Variants in UNC80 observed in about 807,000 individuals in gnomAD.
The protein encoded by UNC80 is unc-80 subunit of NALCN channel complex.
UNC80 carries 164 observed loss-of-function variants against 384.6 expected under a neutral mutation model. That is an observed-to-expected ratio of 0.43 (90% confidence interval 0.38 to 0.49). The LOEUF (loss-of-function observed/expected upper bound fraction) is 0.49, where lower values mean the gene tolerates loss of function less well. Ranked by LOEUF, UNC80 falls within the 20% of genes least tolerant of loss-of-function variation. The probability of loss-of-function intolerance (pLI) is 0.00; values close to 1 mark genes in which losing one functional copy is unlikely to be tolerated. For missense variants in UNC80, 3,330 were observed against 4,143.0 expected, an observed-to-expected ratio of 0.80 and a Z score of 5.39; for synonymous variants, 1,486 against 1,527.8, an observed-to-expected ratio of 0.97 and a Z score of 0.64.
At chr2:209,893,144 C>T (rs553372911) in intron 26 of UNC80, among the ~76,000 whole-genome samples, 2 of 152,322 alleles carry the variant, frequency 1.3e-5, no homozygotes, top group African/African-American at 4.8e-5. Context: ...CTGAAACTAA[C>T]ATGCAAACTT....
At chr2:209,862,278 C>T (rs180812873) in intron 22 of UNC80, among the ~76,000 whole-genome samples, 8 of 151,922 alleles carry the variant, frequency 5.3e-5, no homozygotes, top group African/African-American at 1.4e-4. Context: ...CTATGTGGTG[C>T]GGAGAAGAAT....
intron 56 of UNC80, among the ~76,000 whole-genome samples, chr2:209,974,142 G>A (rs1292362347): frequency 6.6e-6 from 1 of 152,194 alleles, no homozygotes; most frequent in Admixed American, 6.5e-5. Context: ...CACCAAAGCA[G>A]ATATTGGTGA....
chr2:209,842,176 C>T (rs75363158), intron 20 of UNC80, among the ~76,000 whole-genome samples, 174 bp from the exon 21 acceptor site: 2,038 of 152,206 alleles, frequency 0.013, 50 homozygotes, highest in African/African-American at 0.045. Flanking sequence ...TCTTTTTTGG[C>T]ACATGGGAAT....
chr2:209,800,641 G>A (rs981615449), intron 7 of UNC80, among the ~76,000 whole-genome samples: 4 of 151,948 alleles, frequency 2.6e-5, no homozygotes, highest in Admixed American at 2.6e-4. Flanking sequence ...TCTTTTAATT[G>A]TGATGTTAGC....
At chr2:209,964,515 G>A (rs1279409557) in intron 51 of UNC80, among the ~76,000 whole-genome samples, 1 of 152,116 alleles carries the variant, frequency 6.6e-6, no homozygotes, top group Admixed American at 6.5e-5. Flanking sequence ...AAGGCCGGGC[G>A]CGGTTGTTCA....
chr2:209,955,738 T>TATATATATATATATAC (rs1437539911), intron 48 of UNC80, among the ~76,000 whole-genome samples: 2 of 53,552 alleles, frequency 3.7e-5, no homozygotes, highest in Non-Finnish European at 6.2e-5. Context: ...TATATATATA[T>TATATATATATATATAC]ACACACACAC....
chr2:209,833,980 C>A, intron 16 of UNC80, 22 bp from the exon 17 acceptor site: 2 of 1,546,692 alleles, frequency 1.3e-6, no homozygotes, highest in Non-Finnish European at 1.7e-6. Context: ...CTTTCTCCAA[C>A]TTCCTTCTTG....
intron 33 of UNC80, among the ~76,000 whole-genome samples, chr2:209,920,008 A>T (rs1269973083): frequency 6.6e-6 from 1 of 152,130 alleles, no homozygotes; most frequent in African/African-American, 2.4e-5. Flanking sequence ...GATTGTACTA[A>T]AAGTTCAAAA....
intron 28 of UNC80, among the ~76,000 whole-genome samples, chr2:209,902,959 G>A (rs537916053): frequency 7.6e-4 from 110 of 145,268 alleles, no homozygotes; most frequent in African/African-American, 2.6e-3. Flanking sequence ...TCATCCCTTG[G>A]TATCCATGGG....
chr2:209,964,616 C>T (rs548965406), intron 51 of UNC80, among the ~76,000 whole-genome samples: 7 of 152,002 alleles, frequency 4.6e-5, no homozygotes, highest in African/African-American at 9.6e-5. Context: ...GTGAAACCCT[C>T]GTCTCTACTA....
chr2:209,938,702 C>G (rs1384910415), intron 42 of UNC80, among the ~76,000 whole-genome samples: 53 of 143,430 alleles, frequency 3.7e-4, no homozygotes, highest in African/African-American at 1.4e-3. Context: ...CTCTCTCTCT[C>G]TCTCTCTCTG....
intron 13 of UNC80, among the ~76,000 whole-genome samples, chr2:209,823,624 G>A (rs1261805335): frequency 6.6e-6 from 1 of 151,880 alleles, no homozygotes; most frequent in Non-Finnish European, 1.5e-5. Flanking sequence ...GAGGAAAGCA[G>A]CGCCCCACAC....
chr2:209,926,501 A>G (rs1225421507), intron 35 of UNC80, among the ~76,000 whole-genome samples: 2 of 152,206 alleles, frequency 1.3e-5, no homozygotes, highest in Non-Finnish European at 2.9e-5. Context: ...CTGAGGCCAG[A>G]TGCAGTGGCT....
intron 16 of UNC80, among the ~76,000 whole-genome samples, chr2:209,833,480 G>C (rs1415141637): frequency 6.6e-6 from 1 of 152,130 alleles, no homozygotes; most frequent in Non-Finnish European, 1.5e-5. Context: ...CAACATATAT[G>C]TACTTTGCTA....
chr2:209,985,943 C>T (rs768458267), intron 61 of UNC80, among the ~76,000 whole-genome samples: 1 of 150,160 alleles, frequency 6.7e-6, no homozygotes, highest in Non-Finnish European at 1.5e-5. Flanking sequence ...AGTCCATCAT[C>T]GGGTGTATTT....
rs75921948 is a variant in UNC80, at chr2:209,936,834, A to T, written c.6274-10A>T. ...TAAACATTTATTAAAATTTGTTGCT[A>T]TTGTTCTAGGAGTGTCTGGAGTTTT... On this transcript the variant is annotated splice_polypyrimidine_tract_variant and intron_variant, in intron 40 of 64. Coordinates refer to ENST00000673920, the MANE Select transcript of UNC80 (RefSeq NM_001371986.1). 1.0e-4 allele frequency: 159 copies of T among 1,524,982 alleles called. No homozygotes were observed. Among genetic ancestry groups the T allele is most frequent in the Middle Eastern group, 6.7e-4 (4 of 5,940 alleles). 94.5% of individuals were successfully genotyped at this position (1,524,982 alleles called of 1,614,324 possible). A position where few individuals can be genotyped will look rare whatever the true frequency, so the allele number is the denominator to read the frequency against.
At chr2:209,925,809 C>T (rs1436943063) in intron 35 of UNC80, among the ~76,000 whole-genome samples, 1 of 152,184 alleles carries the variant, frequency 6.6e-6, no homozygotes, top group Non-Finnish European at 1.5e-5. Context: ...AGAAGATCAG[C>T]TGGCTTCACC....
chr2:209,949,821 T>C lies in UNC80; in HGVS notation c.7286+3878T>C, dbSNP rs573903286. 2.8e-5 allele frequency among the ~76,000 whole-genome samples: 4 copies of C among 143,424 alleles called. No individual in the cohort carries two copies. In the South Asian group the frequency reaches 8.8e-4, roughly 32 times the overall value. The allele number at this position is 143,424 out of a possible 152,430, so 94.1% of individuals were successfully genotyped here. A position where few individuals can be genotyped will look rare whatever the true frequency, so the allele number is the denominator to read the frequency against. ...ACTCCTATTCTCTGTAGAAATTTGGTATGGATTAGCTTTTTTTTATTTTTG... is the reference window on the plus strand; with the variant it reads ...ACTCCTATTCTCTGTAGAAATTTGGCATGGATTAGCTTTTTTTTATTTTTG... On this transcript the variant is annotated intron_variant, in intron 47 of 64. Transcript: ENST00000673920.
intron 28 of UNC80, among the ~76,000 whole-genome samples, chr2:209,901,159 T>C (rs1333748711): frequency 2.6e-5 from 4 of 152,206 alleles, no homozygotes; most frequent in African/African-American, 9.7e-5. Context: ...AGCCTTTTGT[T>C]AGAAGAAAAT....
Sources: gnomAD v4.1 joint callset for allele counts (sites outside exome capture counted in the v4.1 genomes callset) on GRCh38, gnomAD v4.1.1 for gene constraint, MANE v1.5 for transcripts, NCBI Gene and HGNC (gene_info 2026-07-23, HGNC 2026-07-21) for gene names.